SLC25A19: variants seen among roughly 807,000 people sequenced by gnomAD.
The protein encoded by SLC25A19 is solute carrier family 25 member 19.
Under a neutral mutation model 27.9 loss-of-function variants are expected in SLC25A19, and 18 were observed. That is an observed-to-expected ratio of 0.64 (90% CI 0.45 to 0.96). The LOEUF is 0.96. Ranked by LOEUF, SLC25A19 falls within the 40% of genes least tolerant of loss-of-function variation. SLC25A19 has a pLI of 0.00. For missense variants in SLC25A19, 371 were observed against 418.3 expected, an observed-to-expected ratio of 0.89 and a Z score of 0.99; for synonymous variants, 169 against 167.1, an observed-to-expected ratio of 1.01 and a Z score of -0.09.
intron 6 of SLC25A19, 92 bp from the exon 7 acceptor site, chr17:75,277,575 C>G (rs1025560368): frequency 1.4e-6 from 2 of 1,463,224 alleles, no homozygotes; most frequent in Non-Finnish European, 1.9e-6. Context: ...TCCTCCACCA[C>G]AAACCAAACC....
At chr17:75,276,344 A>G (rs73356387) in intron 7 of SLC25A19, among the ~76,000 whole-genome samples, 16,885 of 152,194 alleles carry the variant, frequency 0.11, 2,631 homozygotes, top group African/African-American at 0.34. Context: ...CCAATTCCAG[A>G]ACAGCTACAG....
intron 4 of SLC25A19, among the ~76,000 whole-genome samples, chr17:75,284,880 C>A (rs376005362): frequency 6.6e-6 from 1 of 151,922 alleles, no homozygotes; most frequent in Non-Finnish European, 1.5e-5. Flanking sequence ...TGAGCTCAAG[C>A]AATCTGCCCG....
intron 2 of SLC25A19, chr17:75,287,818 C>A (rs2078218009): frequency 6.6e-6 from 1 of 152,568 alleles, no homozygotes; most frequent in Admixed American, 6.5e-5. Context: ...CCTCAGACCA[C>A]CCCGGCACAG....
At chr17:75,276,119 C>G (rs1054507351) in intron 7 of SLC25A19, among the ~76,000 whole-genome samples, 10 of 151,122 alleles carry the variant, frequency 6.6e-5, no homozygotes, top group African/African-American at 2.4e-4. Context: ...ACTAAAAATA[C>G]AAAAAATTAG....
chr17:75,275,506 TG>T (rs2077861174), intron 7 of SLC25A19, among the ~76,000 whole-genome samples: 1 of 152,190 alleles, frequency 6.6e-6, no homozygotes, highest in South Asian at 2.1e-4. Context: ...GGGAAAGGCC[TG>T]GAATTGCCCA....
rs748899329 is a variant in SLC25A19 at position 75,273,609 on chromosome 17, C to T, written c.805G>A (p.Ala269Thr). Residue 269 changes from alanine (A) to threonine (T), a missense_variant, in exon 8 of 8, where the codon GCC becomes ACC. Coordinates refer to ENST00000416858, the MANE Select transcript of SLC25A19 (RefSeq NM_001126121.2). ...VRRYKGLMDC[A>T]KQVLQKEGAL... ...CCTTCCTTTTGCAGCACCTGCTTGG[C>T]ACAGTCCATGAGGCCCTTGTATCTC... is the stretch of plus-strand genomic sequence containing the variant. 5 of 1,613,156 alleles carry T rather than the reference C, an allele frequency of 3.1e-6. No individual in the cohort carries two copies. In the Admixed American group the frequency reaches 6.7e-5, roughly 22 times the overall value.
intron 7 of SLC25A19, among the ~76,000 whole-genome samples, chr17:75,276,841 AT>A (rs1295948257): frequency 6.2e-5 from 6 of 96,966 alleles, no homozygotes; most frequent in Admixed American, 1.4e-4. Context: ...CGCCCGGCTA[AT>A]TTTTTTGTTT....
intron 5 of SLC25A19, among the ~76,000 whole-genome samples, chr17:75,279,413 TC>T (rs1225171428): frequency 6.6e-6 from 1 of 152,052 alleles, no homozygotes; most frequent in Non-Finnish European, 1.5e-5. Flanking sequence ...CCACATCTCT[TC>T]CCCTCACTTT....
chr17:75,279,503 T>A (rs1013458434), intron 5 of SLC25A19, among the ~76,000 whole-genome samples: 2 of 129,432 alleles, frequency 1.5e-5, no homozygotes, highest in East Asian at 2.4e-4. Flanking sequence ...AATATGCTAT[T>A]ATCTTTTTTT....
chr17:75,283,453 G>T lies in SLC25A19; in HGVS notation c.429C>A (p.Arg143=), dbSNP rs761904219. The change falls in exon 5 of 8, where the codon CGC becomes CGA. Residue 143 remains arginine (R), a synonymous_variant. Transcript: ENST00000416858. ...GCTCACCCTGAGCTGCAAAGCGGGT[G>T]CGCAGAACATCCACGGGGTGCACAG... The part of the protein sequence containing the change: ...TLTVHPVDVL[R]TRFAAQGEPK... 7.4e-6 allele frequency: 12 copies of T among 1,612,386 alleles called. No individual in the cohort carries two copies. Among genetic ancestry groups the T allele is most frequent in the Middle Eastern group, 1.9e-4 (1 of 5,286 alleles).
rs2077837984 is a variant in SLC25A19, at chr17:75,274,976, T to G, written c.775-1337A>C. On this transcript the variant is annotated intron_variant, in intron 7 of 7. Transcript: ENST00000416858. Reference sequence around the variant, plus strand: ...TGAAATTACAAGGGATTTTGGTCTTTTTTTTTTTTTTTTTTTTTTTTTTTT... The same window carrying G: ...TGAAATTACAAGGGATTTTGGTCTTGTTTTTTTTTTTTTTTTTTTTTTTTT... Among the ~76,000 whole-genome samples, 52 of 45,632 alleles carry G rather than the reference T, an allele frequency of 1.1e-3. 1 individual carries two copies. The African/African-American group carries it at 0.012, about 11-fold the overall frequency. The allele number at this position is 45,632 out of a possible 152,430, so 29.9% of individuals were successfully genotyped here.
intron 4 of SLC25A19, 36 bp from the exon 5 acceptor site, chr17:75,283,629 A>C: frequency 6.2e-7 from 1 of 1,600,646 alleles, no homozygotes; most frequent in Non-Finnish European, 8.5e-7. Flanking sequence ...CGACAGCCCA[A>C]AGGATGAGGG....
chr17:75,280,100 C>T (rs2078002198), intron 5 of SLC25A19, among the ~76,000 whole-genome samples: 1 of 152,178 alleles, frequency 6.6e-6, no homozygotes, highest in African/African-American at 2.4e-5. Flanking sequence ...GGTCTGGTGG[C>T]TCAGCCTTGT....
intron 7 of SLC25A19, among the ~76,000 whole-genome samples, chr17:75,274,971 GTCTTTTTTTTTTTTT>G (rs2077835055): frequency 1.4e-5 from 1 of 73,910 alleles, no homozygotes; most frequent in Non-Finnish European, 2.7e-5. Flanking sequence ...AGGGATTTTG[GTCTTTTTTTTTTTTT>G]TTTTTTTTTT....
At chr17:75,285,926 C>T (rs1472120677) in intron 4 of SLC25A19, among the ~76,000 whole-genome samples, 1 of 152,224 alleles carries the variant, frequency 6.6e-6, no homozygotes, top group Non-Finnish European at 1.5e-5. Flanking sequence ...ACTTCTCCTC[C>T]CTGAGATCCA....
Position 75,273,376 on chromosome 17 carries a change from C to A in SLC25A19, c.*75G>T. Reference sequence around the variant, plus strand: ...TGGCCTGCAGGGAAGGGCCAGACGGCACCTCTCAGTGGAGACTGAATCTTC... The same window carrying A: ...TGGCCTGCAGGGAAGGGCCAGACGGAACCTCTCAGTGGAGACTGAATCTTC... On this transcript the variant is annotated 3_prime_UTR_variant, in exon 8 of 8. Transcript: ENST00000416858. The A allele has an allele frequency of 6.6e-7, 1 of 1,515,764 alleles. No homozygotes were observed. Among genetic ancestry groups the A allele is most frequent in the Non-Finnish European group, 8.9e-7 (1 of 1,118,078 alleles). 93.9% of individuals were successfully genotyped at this position (1,515,764 alleles called of 1,614,324 possible).
At chr17:75,283,646 C>T in intron 4 of SLC25A19, 53 bp from the exon 5 acceptor site, 2 of 1,555,868 alleles carry the variant, frequency 1.3e-6, no homozygotes, top group Non-Finnish European at 1.8e-6. Flanking sequence ...AGGGTGAGGA[C>T]CAAATACTCC....
At chr17:75,283,662 T>C (rs1379160180) in intron 4 of SLC25A19, 69 bp from the exon 5 acceptor site, 29 of 1,500,842 alleles carry the variant, frequency 1.9e-5, no homozygotes, top group Middle Eastern at 1.7e-4. Context: ...ACTCCCCAAA[T>C]ACATCACCCG....
rs750786097 is a variant in SLC25A19 at position 75,273,419 on chromosome 17, C to T, written c.*32G>A. On this transcript the variant is annotated 3_prime_UTR_variant, in exon 8 of 8. Coordinates refer to ENST00000416858, the MANE Select transcript of SLC25A19 (RefSeq NM_001126121.2). ...GAATCTTCCTTCCTTCAGGAGGCTG[C>T]CTCCAGGGAAGACCTGGGGTCCTTC... The T allele has an allele frequency of 6.2e-7, 1 of 1,606,628 alleles. No homozygotes were observed. Among genetic ancestry groups the T allele is most frequent in the South Asian group, 1.1e-5 (1 of 90,616 alleles).
Sources: allele counts gnomAD v4.1 joint callset (sites outside exome capture counted in the v4.1 genomes callset), GRCh38; gene constraint gnomAD v4.1.1; transcripts MANE v1.5; gene names NCBI Gene and HGNC (gene_info 2026-07-23, HGNC 2026-07-21).